The following OCA2 variants were observed in gnomAD, a reference collection of about 807,000 sequenced individuals.
The protein encoded by OCA2 is P protein.
In OCA2, 77 loss-of-function variants were observed where a neutral mutation model predicts 100.2. The ratio of observed to expected loss-of-function variants is 0.77; its 90% CI spans 0.64 to 0.93. The LOEUF (loss-of-function observed/expected upper bound fraction) is 0.93. Among genes scored for constraint, OCA2 ranks in the 40% least tolerant of loss-of-function variants. The pLI is 0.00. For synonymous variants in OCA2, 432 were observed against 439.2 expected, an observed-to-expected ratio of 0.98 and a Z score of 0.21; for missense variants, 1,062 against 1,089.1, an observed-to-expected ratio of 0.98 and a Z score of 0.35.
chr15:27,893,399 C>T (rs900815081), intron 19 of OCA2, among the ~76,000 whole-genome samples: 6 of 152,122 alleles, frequency 3.9e-5, no homozygotes, highest in African/African-American at 7.2e-5. Flanking sequence ...AGAATAACAG[C>T]GATTTTTATG....
chr15:28,066,590 G>C (rs1258611531), intron 2 of OCA2, among the ~76,000 whole-genome samples: 1 of 152,086 alleles, frequency 6.6e-6, no homozygotes, highest in Non-Finnish European at 1.5e-5. Context: ...ACAGACAGCA[G>C]ACCCTAAAAG....
intron 19 of OCA2, among the ~76,000 whole-genome samples, chr15:27,913,701 C>T (rs75241538): frequency 2.0e-5 from 3 of 150,354 alleles, no homozygotes; most frequent in African/African-American, 4.9e-5. Context: ...CAGATGAAGA[C>T]ATTTTCTAAA....
At chr15:27,958,664 A>G (rs114864859) in intron 15 of OCA2, among the ~76,000 whole-genome samples, 1,588 of 152,358 alleles carry the variant, frequency 0.01, 34 homozygotes, top group African/African-American at 0.037. Context: ...GCCTCTTAAG[A>G]TATTCAAATA....
intron 2 of OCA2, among the ~76,000 whole-genome samples, chr15:28,035,157 T>C (rs1240722625): frequency 6.6e-6 from 1 of 152,222 alleles, no homozygotes; most frequent in African/African-American, 2.4e-5. Context: ...TGGCCACATC[T>C]GGCTGATTTT....
Position 28,089,795 on chromosome 15 carries a change from A to T in OCA2, c.-21-7900T>A, listed in dbSNP as rs1305865702. Among the ~76,000 whole-genome samples the T allele has an allele frequency of 2.6e-5, 4 of 152,318 alleles. No individual in the cohort carries two copies. The East Asian group carries it at 7.7e-4, about 29-fold the overall frequency. On this transcript the variant is annotated intron_variant, in intron 1 of 23. Coordinates refer to ENST00000354638, the MANE Select transcript of OCA2 (RefSeq NM_000275.3). Reference sequence around the variant, plus strand: ...AACAGACACTGGGGACTACTGGAGCAGGGAAAGAGGGTGGAGGTCAAGGCT... The same window carrying T: ...AACAGACACTGGGGACTACTGGAGCTGGGAAAGAGGGTGGAGGTCAAGGCT...
In OCA2 at chr15:27,845,003, A is replaced by C. The variant is rs775663159; in HGVS notation, c.2388T>G (p.Ile796Met). Residue 796 changes from isoleucine to methionine, a missense_variant, in exon 23 of 24, where the codon ATT (isoleucine) becomes ATG (methionine). Transcript: ENST00000354638. ...AGAACCCATATCCATGCTGTTCTGC[A>C]ATCCCTGCACACACGACGTTTGCCG... ...GASANVVCAG[I>M]AEQHGYGFSF... 1.2e-6 allele frequency: 2 copies of C among 1,614,156 alleles called. No individual in the cohort carries two copies. The highest frequency in any genetic ancestry group is 1.7e-6 in the Non-Finnish European group (2 of 1,180,012).
chr15:27,853,784 C>T (rs561777456), intron 21 of OCA2, among the ~76,000 whole-genome samples: 19 of 152,148 alleles, frequency 1.2e-4, no homozygotes, highest in African/African-American at 3.4e-4. Context: ...CGGGCAGTTG[C>T]GTATGTCAAC....
chr15:27,871,742 G>C (rs2036583015), intron 20 of OCA2, 121 bp downstream of exon 20: 2 of 761,686 alleles, frequency 2.6e-6, no homozygotes, highest in Non-Finnish European at 4.6e-6. Context: ...CAGGTTCCCT[G>C]CTGTGCCTTT....
chr15:28,018,593 G>A, intron 6 of OCA2, 36 bp from the exon 7 acceptor site: 1 of 1,604,622 alleles, frequency 6.2e-7, no homozygotes, highest in Non-Finnish European at 8.5e-7. Flanking sequence ...AAGGCAGACA[G>A]GAGAAACCCC....
rs547122703 is a variant in OCA2 at position 28,027,320 on chromosome 15, C to T, written c.515+551G>A. Among the ~76,000 whole-genome samples the T allele has an allele frequency of 7.6e-4, 115 of 152,298 alleles. 1 individual carries two copies. Among genetic ancestry groups the T allele is most frequent in the African/African-American group, 2.7e-3 (111 of 41,562 alleles). ...CGTAGGCATGTGCACCATCCACTTT[C>T]TCTATGCAACTCTGCTTCCCCAAGC... On this transcript the variant is annotated intron_variant, in intron 4 of 23. Coordinates refer to ENST00000354638, the MANE Select transcript of OCA2 (RefSeq NM_000275.3).
chr15:27,943,018 T>A (rs2039704587), intron 18 of OCA2, among the ~76,000 whole-genome samples: 1 of 152,192 alleles, frequency 6.6e-6, no homozygotes, highest in Non-Finnish European at 1.5e-5. Flanking sequence ...TTAAATAGTT[T>A]ACATATATCA....
intron 19 of OCA2, among the ~76,000 whole-genome samples, chr15:27,914,698 G>A (rs1419811661): frequency 1.3e-5 from 2 of 152,014 alleles, no homozygotes; most frequent in Non-Finnish European, 2.9e-5. Context: ...AACCACTGCT[G>A]AAATAAATCA....
intron 14 of OCA2, among the ~76,000 whole-genome samples, chr15:27,979,718 G>C (rs1319012009): frequency 9.6e-6 from 1 of 104,296 alleles, no homozygotes; most frequent in African/African-American, 3.7e-5. Flanking sequence ...TTTTTTTTTT[G>C]AGACAGAGTC....
At chr15:27,994,082 G>A (rs1334813962) in intron 9 of OCA2, among the ~76,000 whole-genome samples, 1 of 152,046 alleles carries the variant, frequency 6.6e-6, no homozygotes, top group African/African-American at 2.4e-5. Context: ...TTAAAGCAGG[G>A]GTCCCCAACC....
intron 2 of OCA2, among the ~76,000 whole-genome samples, chr15:28,049,134 A>T (rs1021532335): frequency 2.6e-5 from 4 of 152,192 alleles, no homozygotes; most frequent in Non-Finnish European, 5.9e-5. Flanking sequence ...ACTCAACAAC[A>T]AAAATACAAC....
chr15:27,870,788 A>AAAAG (rs148699055), intron 21 of OCA2, among the ~76,000 whole-genome samples: 108 of 126,680 alleles, frequency 8.5e-4, no homozygotes, highest in Non-Finnish European at 1.1e-3. Context: ...GAAAGAAAGA[A>AAAAG]AAAGAAAGAA....
In OCA2 at chr15:27,844,986, T is replaced by C; in HGVS notation, c.2405A>G (p.Tyr802Cys). The C allele has an allele frequency of 1.2e-6, 2 of 1,613,408 alleles. No individual in the cohort carries two copies. Among genetic ancestry groups the C allele is most frequent in the African/African-American group, 1.3e-5 (1 of 75,010 alleles). Residue 802 changes from tyrosine (Y) to cysteine (C), a missense_variant, in exon 23 of 24, where the codon TAT (tyrosine) becomes TGT (cysteine). Transcript: ENST00000354638. ...GAAAAATTCCATGAAGGAGAACCCATATCCATGCTGTTCTGCAATCCCTGC... is the reference window on the plus strand; with the variant it reads ...GAAAAATTCCATGAAGGAGAACCCACATCCATGCTGTTCTGCAATCCCTGC... Reference protein sequence around the residue: ...VCAGIAEQHGYGFSFMEFFRL... With the variant: ...VCAGIAEQHGCGFSFMEFFRL...
At position 28,014,819 on chromosome 15, in the gene OCA2, G is replaced by A. The variant is rs121918168; in HGVS notation, c.1001C>T (p.Ala334Val). Residue 334 changes from alanine to valine, a missense_variant, in exon 9 of 24, where the codon GCG becomes GTG. By Grantham distance (64) the Ala-to-Val change is moderately conservative. Transcript: ENST00000354638. ...RGSVETQVTI[A>V]TAILAGVYAL... ...GTAGACGCCCGCGAGGATGGCCGTC[G>A]CGATGGTCACCTGGGTTTCTACACT... 9.9e-6 allele frequency: 16 copies of A among 1,613,900 alleles called. No individual in the cohort carries two copies. The highest frequency in any genetic ancestry group is 2.2e-5 in the South Asian group (2 of 91,076).
chr15:28,020,331 C>T (rs372329645), intron 6 of OCA2, among the ~76,000 whole-genome samples: 15 of 152,336 alleles, frequency 9.8e-5, no homozygotes, highest in Non-Finnish European at 1.8e-4. Context: ...GTGACCTAAG[C>T]TGCTGTGCTC....
Sources: gnomAD v4.1 joint callset for allele counts (sites outside exome capture counted in the v4.1 genomes callset) on GRCh38, gnomAD v4.1.1 for gene constraint, MANE v1.5 for transcripts, NCBI Gene and HGNC (gene_info 2026-07-23, HGNC 2026-07-21) for gene names.